The following SH3TC2 variants were observed in gnomAD, a reference collection of about 807,000 sequenced individuals.
The protein encoded by SH3TC2 is SH3 domain and tetratricopeptide repeat-containing protein 2.
Under a neutral mutation model 124.5 loss-of-function variants are expected in SH3TC2, and 87 were observed. The ratio of observed to expected loss-of-function variants is 0.70; its 90% confidence interval spans 0.59 to 0.84. SH3TC2 has a LOEUF of 0.84. SH3TC2 is among the 40% of genes least tolerant of loss of function. The pLI, the probability that SH3TC2 is intolerant of heterozygous loss-of-function variation, is 0.00. For missense variants in SH3TC2, 1,536 were observed against 1,566.4 expected (o/e 0.98, Z 0.33); for synonymous variants, 634 against 628.5 (o/e 1.01, Z -0.13).
rs937243072 is a variant in SH3TC2 at position 148,984,725 on chromosome 5, C to A, written c.*19986G>T. ...GATGTTTAGTGGGTATTCCAACCCTCAAAGAGCTGTGCTTGGTGCTGTAAA... is the reference window on the plus strand; with the variant it reads ...GATGTTTAGTGGGTATTCCAACCCTAAAAGAGCTGTGCTTGGTGCTGTAAA... On this transcript the variant is annotated 3_prime_UTR_variant, in exon 17 of 17. Coordinates refer to ENST00000515425, the MANE Select transcript of SH3TC2 (RefSeq NM_024577.4). Among the ~76,000 whole-genome samples the A allele has an allele frequency of 2.0e-5, 3 of 152,132 alleles. No individual in the cohort carries two copies. Among genetic ancestry groups the A allele is most frequent in the African/African-American group, 4.8e-5 (2 of 41,432 alleles).
intron 1 of SH3TC2, among the ~76,000 whole-genome samples, chr5:149,059,169 T>C (rs1483236067): frequency 2.6e-5 from 4 of 152,168 alleles, no homozygotes; most frequent in Non-Finnish European, 5.9e-5. Context: ...CTCCCAATTT[T>C]ACTGTTGAGA....
rs4562031 is a variant in SH3TC2 at position 148,988,888 on chromosome 5, A to T, written c.*15823T>A. ...ATAACTTTAATGTTTAAGGGTTATC[A>T]CTTTGCTTTCTTCTTTGGATTTGAG... On this transcript the variant is annotated 3_prime_UTR_variant, in exon 17 of 17. Coordinates refer to ENST00000515425, the MANE Select transcript of SH3TC2 (RefSeq NM_024577.4). Among the ~76,000 whole-genome samples, 1 of 152,064 alleles carries T rather than the reference A, an allele frequency of 6.6e-6. No individual in the cohort carries two copies. The highest frequency in any genetic ancestry group is 2.1e-4 in the South Asian group (1 of 4,832).
chr5:149,012,907 C>T (rs115476463), intron 12 of SH3TC2, among the ~76,000 whole-genome samples, 173 bp from the exon 13 acceptor site: 4 of 152,112 alleles, frequency 2.6e-5, no homozygotes, highest in Non-Finnish European at 5.9e-5. Flanking sequence ...ACTTTGAGAA[C>T]GTACAGGATC....
chr5:148,988,059 G>A lies in SH3TC2; in HGVS notation c.*16652C>T, dbSNP rs553786542. On this transcript the variant is annotated 3_prime_UTR_variant, in exon 17 of 17. Coordinates refer to ENST00000515425, the MANE Select transcript of SH3TC2 (RefSeq NM_024577.4). The stretch of plus-strand genomic sequence containing the variant: ...ATCTGCCCACTTGGAGACAGAGAAG[G>A]TGACTTACCTAATATTTTTCCTGCA... 1.3e-5 allele frequency among the ~76,000 whole-genome samples: 2 copies of A among 152,228 alleles called. No homozygotes were observed. Among genetic ancestry groups the A allele is most frequent in the Admixed American group, 1.3e-4 (2 of 15,294 alleles).
intron 9 of SH3TC2, among the ~76,000 whole-genome samples, chr5:149,030,841 C>G (rs190929832): frequency 1.3e-3 from 202 of 152,356 alleles, no homozygotes; most frequent in African/African-American, 4.8e-3. Context: ...AATTCTTCCT[C>G]AAGTCACCAT....
intron 7 of SH3TC2, 94 bp from the exon 8 acceptor site, chr5:149,038,584 A>G: frequency 7.5e-7 from 1 of 1,327,914 alleles, no homozygotes. Flanking sequence ...GGGTTCCCAG[A>G]CTTTAGAATG....
At chr5:149,006,854 AG>A in intron 16 of SH3TC2, 26 bp downstream of exon 16, 2 of 1,609,986 alleles carry the variant, frequency 1.2e-6, no homozygotes, top group South Asian at 2.2e-5. Context: ...GGTGGCTGTC[AG>A]GAAATCTGGG....
intron 12 of SH3TC2, among the ~76,000 whole-genome samples, chr5:149,023,139 T>A (rs537218520): frequency 1.3e-5 from 2 of 152,358 alleles, no homozygotes; most frequent in East Asian, 3.9e-4. Context: ...GTTTGAATAC[T>A]TGTAAAGGCA....
At chr5:149,055,530 G>A (rs539327803) in intron 1 of SH3TC2, among the ~76,000 whole-genome samples, 166 of 152,164 alleles carry the variant, frequency 1.1e-3, no homozygotes, top group Non-Finnish European at 9.6e-4. Flanking sequence ...GTGTTTGTGA[G>A]GATATAGAGC....
chr5:149,055,419 G>GA (rs1175229871), intron 1 of SH3TC2, among the ~76,000 whole-genome samples: 1 of 151,642 alleles, frequency 6.6e-6, no homozygotes, highest in Non-Finnish European at 1.5e-5. Context: ...ATAAATATAT[G>GA]AAAATTGTTT....
intron 8 of SH3TC2, among the ~76,000 whole-genome samples, chr5:149,033,307 G>C (rs993230756): frequency 2.0e-5 from 3 of 152,114 alleles, no homozygotes; most frequent in African/African-American, 7.2e-5. Flanking sequence ...TGAAAACTGG[G>C]TTAGAAGAAC....
At chr5:149,031,152 G>GACAAGAAATCATCTCTTAAGGCCTTTTC (rs1754185336) in intron 9 of SH3TC2, among the ~76,000 whole-genome samples, 11 of 152,282 alleles carry the variant, frequency 7.2e-5, no homozygotes, top group Admixed American at 7.2e-4. Context: ...TGTAATGTGA[G>GACAAGAAATCATCTCTTAAGGCCTTTTC]ACAAGAAATC....
Position 148,986,458 on chromosome 5 carries a change from C to T in SH3TC2, c.*18253G>A, listed in dbSNP as rs576698539. Among the ~76,000 whole-genome samples, 4 of 152,312 alleles carry T rather than the reference C, an allele frequency of 2.6e-5. No individual in the cohort carries two copies. In the South Asian group the frequency reaches 8.3e-4, roughly 32 times the overall value. ...TAACCCCACTCACTCCCTATTACATCTCCTTGTCTTACTTTTATCATAGCA... is the reference window on the plus strand; with the variant it reads ...TAACCCCACTCACTCCCTATTACATTTCCTTGTCTTACTTTTATCATAGCA... On this transcript the variant is annotated 3_prime_UTR_variant, in exon 17 of 17. Transcript: ENST00000515425.
At position 149,027,899 on chromosome 5, in the gene SH3TC2, AT is replaced by A. The variant is rs766964988; in HGVS notation, c.1832del (p.His611LeufsTer34). Reference protein sequence around the residue: ...CLPDRESSAKHELDVVAYVLR... With the variant: ...CLPDRESSAKXELDVVAYVLR... ...GCACGTAGGCCACCACGTCGAGTTC[AT>A]GCTTGGCACTAGACTCACGGTCAGG... is the stretch of plus-strand genomic sequence containing the variant. On this transcript the variant is annotated frameshift_variant, in exon 11 of 17. Transcript: ENST00000515425. LOFTEE classifies it high-confidence loss of function. 1 of 1,614,010 alleles carries A rather than the reference AT, an allele frequency of 6.2e-7. No homozygotes were observed. Among genetic ancestry groups the A allele is most frequent in the East Asian group, 2.2e-5 (1 of 44,874 alleles).
intron 1 of SH3TC2, among the ~76,000 whole-genome samples, chr5:149,055,588 G>T (rs530068665): frequency 6.6e-6 from 1 of 152,112 alleles, no homozygotes; most frequent in African/African-American, 2.4e-5. Flanking sequence ...CTGCAAGTGT[G>T]AAGATAAACT....
intron 5 of SH3TC2, among the ~76,000 whole-genome samples, chr5:149,042,036 CA>C (rs1412928399): frequency 2.6e-5 from 4 of 152,180 alleles, no homozygotes; most frequent in Non-Finnish European, 5.9e-5. Context: ...TTTATAATAG[CA>C]TGATATTAAA....
intron 8 of SH3TC2, among the ~76,000 whole-genome samples, chr5:149,038,082 G>A (rs1310835013): frequency 6.6e-6 from 1 of 152,164 alleles, no homozygotes; most frequent in Non-Finnish European, 1.5e-5. Context: ...CTTGCACAGA[G>A]GAAGTCCTCA....
chr5:149,012,545 C>T (rs1157800597), intron 13 of SH3TC2, 39 bp downstream of exon 13: 1 of 1,613,554 alleles, frequency 6.2e-7, no homozygotes, highest in African/African-American at 1.3e-5. Flanking sequence ...CCAAATGATC[C>T]AAGTCAACAA....
chr5:149,010,360 C>A lies in SH3TC2; in HGVS notation c.3237G>T (p.Glu1079Asp). The change falls in exon 14 of 17, where the codon GAG (glutamate) becomes GAT (aspartate). Residue 1079 changes from glutamate to aspartate, a missense_variant. This residue lies in a region of SH3TC2 where 426 missense variants were observed against 443.5 expected (regional missense o/e 0.96). Transcript: ENST00000515425. Reference sequence around the variant, plus strand: ...CATAAAGTTTGAGAGCCAGCAAAGGCTCCTCTGACTTCAGGGCTGTCTGGA... The same window carrying A: ...CATAAAGTTTGAGAGCCAGCAAAGGATCCTCTGACTTCAGGGCTGTCTGGA... ...AAIQTALKSE[E>D]PLLALKLYEE... 6.2e-7 allele frequency: 1 copy of A among 1,614,052 alleles called. No individual in the cohort carries two copies. The highest frequency in any genetic ancestry group is 1.1e-5 in the South Asian group (1 of 91,072).
Sources: allele counts gnomAD v4.1 joint callset (sites outside exome capture counted in the v4.1 genomes callset), GRCh38; gene constraint gnomAD v4.1.1; regional missense constraint gnomAD v4.1.1; transcripts MANE v1.5; gene names NCBI Gene and HGNC (gene_info 2026-07-23, HGNC 2026-07-21).